ARHGAP15: variants seen among roughly 807,000 people sequenced by gnomAD.
ARHGAP15 encodes the protein rho GTPase-activating protein 15.
ARHGAP15 carries 51 observed loss-of-function variants against 63.7 expected under a neutral mutation model. The observed-to-expected ratio is 0.80, with a 90% CI of 0.64 to 1.01. The LOEUF (loss-of-function observed/expected upper bound fraction) is 1.01, where lower values mean the gene tolerates loss of function less well. Among genes scored for constraint, ARHGAP15 ranks in the 50% least tolerant of loss-of-function variants. ARHGAP15 has a pLI of 0.00. For synonymous variants in ARHGAP15, 191 were observed against 193.8 expected (o/e 0.99, Z 0.12); for missense variants, 560 against 564.6 (o/e 0.99, Z 0.08).
chr2:143,546,086 C>G (rs1018121813), intron 10 of ARHGAP15, among the ~76,000 whole-genome samples: 4 of 152,242 alleles, frequency 2.6e-5, no homozygotes. Flanking sequence ...AATGTGATGA[C>G]TGTGATTCAA....
At chr2:143,315,504 A>G (rs1419506112) in intron 6 of ARHGAP15, among the ~76,000 whole-genome samples, 1 of 152,120 alleles carries the variant, frequency 6.6e-6, no homozygotes, top group African/African-American at 2.4e-5. Context: ...AAATACAGAT[A>G]CCAGAATACT....
At chr2:143,212,923 C>A (rs1345588513) in intron 3 of ARHGAP15, among the ~76,000 whole-genome samples, 1 of 152,136 alleles carries the variant, frequency 6.6e-6, no homozygotes, top group Non-Finnish European at 1.5e-5. Flanking sequence ...GCATGAGACC[C>A]TTTACAATGC....
chr2:143,643,584 T>C (rs1256975802), intron 12 of ARHGAP15, among the ~76,000 whole-genome samples: 2 of 152,060 alleles, frequency 1.3e-5, no homozygotes, highest in Admixed American at 6.6e-5. Context: ...TCTAGGAATC[T>C]CTTTTTACAA....
chr2:143,322,850 A>G (rs963028431), intron 6 of ARHGAP15, among the ~76,000 whole-genome samples: 8 of 152,234 alleles, frequency 5.3e-5, no homozygotes, highest in African/African-American at 1.4e-4. Flanking sequence ...TGAAGGTTTA[A>G]TGTTGTAAGT....
chr2:143,205,038 G>T (rs192868204), intron 3 of ARHGAP15, among the ~76,000 whole-genome samples: 3 of 151,926 alleles, frequency 2.0e-5, no homozygotes, highest in African/African-American at 7.2e-5. Context: ...TGAGGAGGGG[G>T]CTCACTTTAG....
intron 6 of ARHGAP15, among the ~76,000 whole-genome samples, chr2:143,332,306 T>C (rs571978030): frequency 6.6e-6 from 1 of 152,076 alleles, no homozygotes; most frequent in South Asian, 2.1e-4. Context: ...TACAAAACAG[T>C]CTTCCTGGGG....
chr2:143,624,842 G>A (rs989103292), intron 12 of ARHGAP15, among the ~76,000 whole-genome samples: 1 of 152,080 alleles, frequency 6.6e-6, no homozygotes, highest in Non-Finnish European at 1.5e-5. Context: ...TTATAAGAGA[G>A]TGAGTTATAT....
intron 10 of ARHGAP15, among the ~76,000 whole-genome samples, chr2:143,534,090 A>G (rs1339764471): frequency 6.6e-6 from 1 of 152,144 alleles, no homozygotes; most frequent in Non-Finnish European, 1.5e-5. Flanking sequence ...CATAATCCCC[A>G]CATGTCAATC....
intron 5 of ARHGAP15, chr2:143,237,847 G>T (rs1693714260): frequency 6.6e-6 from 1 of 152,040 alleles, no homozygotes; most frequent in African/African-American, 2.4e-5. Context: ...CTATATGTTG[G>T]TTGTGTAAGG....
At chr2:143,593,768 A>G (rs1260212437) in intron 11 of ARHGAP15, among the ~76,000 whole-genome samples, 2 of 152,184 alleles carry the variant, frequency 1.3e-5, no homozygotes, top group Non-Finnish European at 2.9e-5. Flanking sequence ...CCTTATCTTA[A>G]ATACCCCTAG....
intron 6 of ARHGAP15, among the ~76,000 whole-genome samples, chr2:143,315,579 G>A (rs986347800): frequency 1.3e-5 from 2 of 152,122 alleles, no homozygotes; most frequent in African/African-American, 4.8e-5. Context: ...AGGTGCTCCT[G>A]TGCAGGATGG....
At chr2:143,164,763 T>C (rs1021440272) in intron 2 of ARHGAP15, among the ~76,000 whole-genome samples, 4 of 151,848 alleles carry the variant, frequency 2.6e-5, no homozygotes, top group South Asian at 2.1e-4. Context: ...TTTTTTTTTC[T>C]GGAGAAAAAG....
intron 6 of ARHGAP15, among the ~76,000 whole-genome samples, chr2:143,434,792 T>C (rs1689536813): frequency 6.6e-6 from 1 of 152,164 alleles, no homozygotes; most frequent in South Asian, 2.1e-4. Context: ...CAATTTTTTC[T>C]CTAAGTTGCC....
intron 8 of ARHGAP15, among the ~76,000 whole-genome samples, chr2:143,442,210 G>A (rs896608376): frequency 7.9e-5 from 12 of 152,060 alleles, no homozygotes; most frequent in Non-Finnish European, 1.8e-4. Context: ...CTATAAGTAG[G>A]CTATGTTCTC....
At chr2:143,324,219 C>A (rs1377444966) in intron 6 of ARHGAP15, among the ~76,000 whole-genome samples, 2 of 152,200 alleles carry the variant, frequency 1.3e-5, no homozygotes, top group Non-Finnish European at 2.9e-5. Context: ...CGTATGTAAT[C>A]ATTTCTTTCC....
chr2:143,622,025 T>C (rs573063123), intron 11 of ARHGAP15, among the ~76,000 whole-genome samples: 2 of 152,288 alleles, frequency 1.3e-5, no homozygotes, highest in African/African-American at 4.8e-5. Context: ...TGTGTTTGTG[T>C]GTGTGTGTGT....
rs189097427 is a variant in ARHGAP15, at chr2:143,282,968, C to T, written c.474+32368C>T. Reference sequence around the variant, plus strand: ...AATCCTTGTTGGGAGTAGATCATTTCGGAGTATTGATTCTAAATTTGTCAT... The same window carrying T: ...AATCCTTGTTGGGAGTAGATCATTTTGGAGTATTGATTCTAAATTTGTCAT... On this transcript the variant is annotated intron_variant, in intron 6 of 13. Coordinates refer to ENST00000295095, the MANE Select transcript of ARHGAP15 (RefSeq NM_018460.4). Among the ~76,000 whole-genome samples the T allele has an allele frequency of 5.9e-4, 90 of 152,198 alleles. 1 individual carries two copies. Among genetic ancestry groups the T allele is most frequent in the African/African-American group, 2.1e-3 (87 of 41,528 alleles).
chr2:143,155,653 C>A lies in ARHGAP15; in HGVS notation c.163C>A (p.Pro55Thr), dbSNP rs373692174. The A allele has an allele frequency of 1.5e-5, 23 of 1,553,620 alleles. No individual in the cohort carries two copies. The highest frequency in any genetic ancestry group is 7.0e-5 in the African/African-American group (5 of 71,074). ...ILTDVGKVTE[P>T]ISRHRRNHSQ... ...CACCGATGTCGGGAAGGTCACTGAACCTGTAAGTCAAATACCCCAAATATC... is the reference window on the plus strand; with the variant it reads ...CACCGATGTCGGGAAGGTCACTGAAACTGTAAGTCAAATACCCCAAATATC... The change falls in exon 2 of 14, where the codon CCT becomes ACT. Residue 55 changes from proline to threonine, a missense_variant and splice_region_variant. Coordinates refer to ENST00000295095, the MANE Select transcript of ARHGAP15 (RefSeq NM_018460.4).
chr2:143,749,821 G>A (rs568466933), intron 13 of ARHGAP15, among the ~76,000 whole-genome samples: 2 of 152,260 alleles, frequency 1.3e-5, no homozygotes, highest in South Asian at 4.2e-4. Flanking sequence ...ACTCAGCATG[G>A]ATAATAGTAG....
Sources: gnomAD v4.1 joint callset for allele counts (sites outside exome capture counted in the v4.1 genomes callset) on GRCh38, gnomAD v4.1.1 for gene constraint, MANE v1.5 for transcripts, NCBI Gene and HGNC (gene_info 2026-07-23, HGNC 2026-07-21) for gene names.